The following ARHGAP39 variants were observed in gnomAD, a reference collection of about 807,000 sequenced individuals.
ARHGAP39 encodes Rho GTPase activating protein 39, also known as rho GTPase-activating protein 39.
A neutral mutation model predicts 106.9 loss-of-function variants in ARHGAP39; 44 were observed. That is an observed-to-expected ratio of 0.41 (90% confidence interval 0.32 to 0.53). The LOEUF is 0.53. Among genes scored for constraint, ARHGAP39 ranks in the 20% least tolerant of loss-of-function variants. ARHGAP39 has a pLI of 0.21. For synonymous variants in ARHGAP39, 768 were observed against 693.2 expected (o/e 1.11, Z -1.69); for missense variants, 1,496 against 1,577.3 (o/e 0.95, Z 0.87).
Position 144,547,841 on chromosome 8 carries a change from C to T in ARHGAP39, c.1245G>A (p.Arg415=). The change falls in exon 5 of 12, where the codon CGG becomes CGA. Residue 415 remains arginine, a synonymous_variant. Transcript: ENST00000377307. The surrounding 1 kb of genome is among the most constrained non-coding windows in gnomAD (Gnocchi z 5.2). ...GSSPKLRAGP[R]HKYAPNPGGG... ...CGCCGGGGTTGGGCGCGTACTTGTG[C>T]CGCGGGCCGGCGCGCAGCTTGGGGC... is the stretch of plus-strand genomic sequence containing the variant. 1 of 1,588,840 alleles carries T rather than the reference C, an allele frequency of 6.3e-7. No homozygotes were observed. Among genetic ancestry groups the T allele is most frequent in the Non-Finnish European group, 8.6e-7 (1 of 1,168,580 alleles).
chr8:144,615,580 T>C (rs985743087), intron 1 of ARHGAP39, among the ~76,000 whole-genome samples: 2 of 152,244 alleles, frequency 1.3e-5, no homozygotes, highest in Non-Finnish European at 2.9e-5. Context: ...TTAGGCCCAT[T>C]GTGGATTAAA....
intron 1 of ARHGAP39, among the ~76,000 whole-genome samples, chr8:144,621,983 C>T (rs1407547104): frequency 6.6e-6 from 1 of 152,108 alleles, no homozygotes; most frequent in Non-Finnish European, 1.5e-5. Flanking sequence ...TCAGAATGCA[C>T]AATGTTAAGG....
chr8:144,596,717 G>A (rs1007673619), intron 2 of ARHGAP39, among the ~76,000 whole-genome samples: 18 of 152,204 alleles, frequency 1.2e-4, no homozygotes, highest in East Asian at 1.9e-4. Context: ...CCCGGGTGGC[G>A]CGCACTGCCG....
At chr8:144,553,527 C>T (rs772435335) in intron 4 of ARHGAP39, among the ~76,000 whole-genome samples, 11 of 152,230 alleles carry the variant, frequency 7.2e-5, no homozygotes, top group Non-Finnish European at 1.5e-4. Flanking sequence ...GCATGCATCA[C>T]CCCAGGCCAC....
intron 1 of ARHGAP39, among the ~76,000 whole-genome samples, chr8:144,681,371 A>T (rs550617596): frequency 3.2e-4 from 49 of 152,280 alleles, no homozygotes; most frequent in African/African-American, 1.0e-3. Flanking sequence ...CACAGGCTGA[A>T]CACCAGAGTC....
In ARHGAP39 at chr8:144,548,572, C is replaced by A; in HGVS notation, c.597-83G>T. On this transcript the variant is annotated intron_variant, in intron 4 of 11. Coordinates refer to ENST00000377307, the MANE Select transcript of ARHGAP39 (RefSeq NM_025251.3). The surrounding 1 kb of genome is among the most constrained non-coding windows in gnomAD (Gnocchi z 7.4). Reference sequence around the variant, plus strand: ...CCACCCCCTCGGGGGCTGTAGGCAGCGGCTCCCGCGAACCCTCTGTTGTAC... The same window carrying A: ...CCACCCCCTCGGGGGCTGTAGGCAGAGGCTCCCGCGAACCCTCTGTTGTAC... 1 of 1,491,168 alleles carries A rather than the reference C, an allele frequency of 6.7e-7. No individual in the cohort carries two copies. The allele number at this position is 1,491,168 out of a possible 1,614,324, so 92.4% of individuals were successfully genotyped here.
intron 3 of ARHGAP39, 96 bp from the exon 4 acceptor site, chr8:144,555,739 A>C: frequency 9.5e-7 from 1 of 1,054,516 alleles, no homozygotes; most frequent in Admixed American, 1.8e-5. Context: ...CTGCCACCTC[A>C]ATTTCCTGGA....
intron 2 of ARHGAP39, among the ~76,000 whole-genome samples, chr8:144,581,963 C>A (rs1023151152): frequency 6.6e-6 from 1 of 151,968 alleles, no homozygotes; most frequent in Non-Finnish European, 1.5e-5. Context: ...TGCCAGGAGG[C>A]GTTCCCATGG....
At chr8:144,575,044 C>T (rs113859476) in intron 3 of ARHGAP39, among the ~76,000 whole-genome samples, 4,054 of 152,254 alleles carry the variant, frequency 0.027, 178 homozygotes, top group African/African-American at 0.093. Flanking sequence ...ATGCTAAATG[C>T]CATTGTAAGA....
Position 144,533,176 on chromosome 8 carries a change from G to A in ARHGAP39, c.2838C>T (p.Leu946=). Residue 946 remains leucine, a synonymous_variant, in exon 9 of 12, where the codon CTC becomes CTT. Transcript: ENST00000377307. ...ERQLPWVQTR[L]SEEVLALNGD... ...CGTTGAGCGCCAGCACCTCCTCAGA[G>A]AGCCGTGTCTGCACCCAGGGCAGCT... 6.2e-7 allele frequency: 1 copy of A among 1,611,242 alleles called. No individual in the cohort carries two copies. Among genetic ancestry groups the A allele is most frequent in the Non-Finnish European group, 8.5e-7 (1 of 1,179,738 alleles).
chr8:144,615,628 G>A (rs1401465050), intron 1 of ARHGAP39, among the ~76,000 whole-genome samples: 1 of 152,244 alleles, frequency 6.6e-6, no homozygotes, highest in African/African-American at 2.4e-5. Flanking sequence ...GTTCACTGCA[G>A]TGAGTTTCAA....
chr8:144,543,913 G>C (rs1817297414), intron 6 of ARHGAP39: 1 of 152,252 alleles, frequency 6.6e-6, no homozygotes, highest in African/African-American at 2.4e-5. Context: ...ATGCTGTGCT[G>C]AGCAGTGGGG....
intron 3 of ARHGAP39, among the ~76,000 whole-genome samples, chr8:144,562,038 TCGGAC>T (rs1818194920): frequency 6.8e-6 from 1 of 147,182 alleles, no homozygotes; most frequent in African/African-American, 2.7e-5. Flanking sequence ...GTGGTTTCCA[TCGGAC>T]TTACTCCAGT....
intron 1 of ARHGAP39, among the ~76,000 whole-genome samples, chr8:144,666,140 A>G (rs908537565): frequency 6.6e-6 from 1 of 152,140 alleles, no homozygotes; most frequent in African/African-American, 2.4e-5. Context: ...TGGATTTTGA[A>G]CTTGCAAGGG....
intron 1 of ARHGAP39, among the ~76,000 whole-genome samples, chr8:144,621,751 G>T (rs1820812875): frequency 6.6e-6 from 1 of 152,218 alleles, no homozygotes; most frequent in Admixed American, 6.5e-5. Context: ...CCCTGAGGTA[G>T]AGGCTGCAGT....
At chr8:144,601,917 CTGTG>C (rs1187125351) in intron 2 of ARHGAP39, among the ~76,000 whole-genome samples, 5 of 119,384 alleles carry the variant, frequency 4.2e-5, no homozygotes, top group Admixed American at 9.3e-5. Flanking sequence ...GCTCGTGTAC[CTGTG>C]TGTGTGCATG....
intron 1 of ARHGAP39, among the ~76,000 whole-genome samples, chr8:144,615,339 AAAC>A (rs1434105864): frequency 4.6e-5 from 7 of 152,122 alleles, no homozygotes; most frequent in Admixed American, 2.0e-4. Flanking sequence ...AGAAAAAAAA[AAAC>A]AAGTCTGTAT....
Position 144,545,541 on chromosome 8 carries a change from G to T in ARHGAP39, c.2229C>A (p.Ala743=). The change falls in exon 6 of 12, where the codon GCC becomes GCA. Residue 743 remains alanine, a synonymous_variant. Coordinates refer to ENST00000377307, the MANE Select transcript of ARHGAP39 (RefSeq NM_025251.3). Reference sequence around the variant, plus strand: ...TCTGGATCAGCTTGAAGAGCTCGCAGGCCTCCTTCTTCACGTGCCGGTCGC... The same window carrying T: ...TCTGGATCAGCTTGAAGAGCTCGCATGCCTCCTTCTTCACGTGCCGGTCGC... ...VTSDRHVKKE[A]CELFKLIQMY... is the part of the protein sequence containing the mutation. The T allele has an allele frequency of 6.2e-7, 1 of 1,613,710 alleles. No individual in the cohort carries two copies. Among genetic ancestry groups the T allele is most frequent in the Non-Finnish European group, 8.5e-7 (1 of 1,180,012 alleles).
At position 144,545,474 on chromosome 8, in the gene ARHGAP39, C is replaced by T. The variant is rs764235807; in HGVS notation, c.2296G>A (p.Val766Met). 1.4e-5 allele frequency: 23 copies of T among 1,599,060 alleles called. No individual in the cohort carries two copies. Among genetic ancestry groups the T allele is most frequent in the Admixed American group, 1.3e-4 (8 of 59,734 alleles). ...CCCTTGGTGGCCACCTCCAGGGCCA[C>T]GTGCAGTGGGTCGGCCTTGGCCCGC... ...DRRAKADPLH[V>M]ALEVATKGWS... The change falls in exon 6 of 12, where the codon GTG becomes ATG. Residue 766 changes from valine to methionine, a missense_variant. This residue lies in a region of ARHGAP39 where 470 missense variants were observed against 605.1 expected (regional missense o/e 0.78). Coordinates refer to ENST00000377307, the MANE Select transcript of ARHGAP39 (RefSeq NM_025251.3).
Sources: gnomAD v4.1 joint callset for allele counts (sites outside exome capture counted in the v4.1 genomes callset) on GRCh38, gnomAD v4.1.1 for gene constraint, gnomAD v4.1.1 regional missense constraint, Gnocchi (gnomAD v3.1) non-coding constraint, MANE v1.5 for transcripts, NCBI Gene and HGNC (gene_info 2026-07-23, HGNC 2026-07-21) for gene names.